The following RFC3 variants were observed in gnomAD, a reference collection of about 807,000 sequenced individuals.
RFC3 encodes replication factor C subunit 3.
RFC3 carries 41 observed loss-of-function variants against 45.1 expected under a neutral mutation model. The ratio of observed to expected loss-of-function variants is 0.91; its 90% CI spans 0.71 to 1.18. The LOEUF is 1.18. Ranked by LOEUF, RFC3 falls within the 50% of genes most tolerant of loss-of-function variation. The probability of loss-of-function intolerance (pLI) is 0.00; values close to 1 mark genes in which losing one functional copy is unlikely to be tolerated. For synonymous variants in RFC3, 149 were observed against 144.0 expected, an observed-to-expected ratio of 1.03 and a Z score of -0.25; for missense variants, 423 against 428.1, an observed-to-expected ratio of 0.99 and a Z score of 0.10.
chr13:33,936,457 T>C (rs1197062970), intron 8 of RFC3, among the ~76,000 whole-genome samples: 1 of 152,148 alleles, frequency 6.6e-6, no homozygotes, highest in East Asian at 1.9e-4. Flanking sequence ...TGTGACTTTA[T>C]CTGGAAATAA....
At chr13:33,903,635 A>G (rs966417408) in intron 8 of RFC3, among the ~76,000 whole-genome samples, 1 of 152,108 alleles carries the variant, frequency 6.6e-6, no homozygotes, top group Non-Finnish European at 1.5e-5. Flanking sequence ...ATATTTATGC[A>G]TAACCAAGAA....
chr13:33,880,995 G>C (rs1365536604), intron 8 of RFC3, among the ~76,000 whole-genome samples: 1 of 152,174 alleles, frequency 6.6e-6, no homozygotes, highest in Non-Finnish European at 1.5e-5. Flanking sequence ...GGCAGAGGTT[G>C]CAGTGAGCTG....
chr13:33,965,788 C>G (rs1327616483), intron 8 of RFC3, among the ~76,000 whole-genome samples: 3 of 152,098 alleles, frequency 2.0e-5, no homozygotes, highest in Admixed American at 1.3e-4. Context: ...TTTTGAAATA[C>G]CCTAGAGTCT....
At chr13:33,849,496 A>G (rs1478906620) in intron 8 of RFC3, 1 of 152,206 alleles carries the variant, frequency 6.6e-6, no homozygotes, top group African/African-American at 2.4e-5. Context: ...CTTGTGAGCT[A>G]GTATAACCCT....
intron 8 of RFC3, among the ~76,000 whole-genome samples, chr13:33,955,126 A>G (rs192491068): frequency 6.6e-6 from 1 of 152,312 alleles, no homozygotes; most frequent in East Asian, 1.9e-4. Context: ...GGTTTCAGAA[A>G]GAATGATGAC....
intron 8 of RFC3, among the ~76,000 whole-genome samples, chr13:33,950,126 T>C (rs1050475722): frequency 2.0e-5 from 3 of 151,988 alleles, no homozygotes; most frequent in Admixed American, 1.3e-4. Context: ...GTTTGGTTTC[T>C]CTGGAGAAAC....
chr13:33,819,111 C>T (rs1055550947), intron 1 of RFC3, among the ~76,000 whole-genome samples: 17 of 152,048 alleles, frequency 1.1e-4, no homozygotes, highest in Non-Finnish European at 2.2e-4. Flanking sequence ...AGGCTGGTCT[C>T]GAACTCCTGA....
At chr13:33,902,344 T>A (rs1474018880) in intron 8 of RFC3, among the ~76,000 whole-genome samples, 1 of 152,034 alleles carries the variant, frequency 6.6e-6, no homozygotes, top group Non-Finnish European at 1.5e-5. Flanking sequence ...TGGAGAAACA[T>A]GGGGCTGTCT....
intron 8 of RFC3, among the ~76,000 whole-genome samples, chr13:33,875,170 C>T (rs1240836226): frequency 6.6e-6 from 1 of 152,200 alleles, no homozygotes; most frequent in African/African-American, 2.4e-5. Flanking sequence ...ATGAATAAAA[C>T]AAACCTTGCT....
At chr13:33,888,233 A>G (rs2082539364) in intron 8 of RFC3, among the ~76,000 whole-genome samples, 3 of 152,174 alleles carry the variant, frequency 2.0e-5, no homozygotes, top group South Asian at 2.1e-4. Flanking sequence ...TTCCACTGGC[A>G]TGCAAGTTCA....
chr13:33,837,641 A>C (rs975976872), downstream of RFC3: 3 of 152,088 alleles, frequency 2.0e-5, no homozygotes, highest in African/African-American at 4.8e-5. Context: ...TTACACTTCT[A>C]CCAGCAATAT....
intron 8 of RFC3, among the ~76,000 whole-genome samples, chr13:33,844,349 T>A (rs2082222311): frequency 6.6e-6 from 1 of 152,232 alleles, no homozygotes; most frequent in Non-Finnish European, 1.5e-5. Flanking sequence ...ACTCTAGTGC[T>A]CTGCCCACCT....
chr13:33,886,118 G>T (rs117862941), intron 8 of RFC3, among the ~76,000 whole-genome samples: 1 of 152,032 alleles, frequency 6.6e-6, no homozygotes, highest in Non-Finnish European at 1.5e-5. Context: ...TTCAGAAATC[G>T]CCTTTTGACC....
chr13:33,845,344 T>A (rs1179767829), intron 8 of RFC3, among the ~76,000 whole-genome samples: 1 of 150,758 alleles, frequency 6.6e-6, no homozygotes, highest in Non-Finnish European at 1.5e-5. Context: ...TCTGTTACTA[T>A]CCATTTGAAT....
At position 33,962,225 on chromosome 13, in the gene RFC3, A is replaced by G. The variant is rs577907426; in HGVS notation, c.880-3862A>G. On this transcript the variant is annotated intron_variant, in intron 8 of 8. Coordinates refer to the RFC3 transcript ENST00000434425. The stretch of plus-strand genomic sequence containing the variant: ...CCTAATTTGAGAATTAGCCAGAGCT[A>G]TGAGGGGGGATATGTAAAGGAAGAT... Among the ~76,000 whole-genome samples the G allele has an allele frequency of 3.3e-5, 5 of 152,304 alleles. No individual in the cohort carries two copies. In the South Asian group the frequency reaches 8.3e-4, roughly 25 times the overall value.
At chr13:33,963,245 C>A (rs2083068412) in intron 8 of RFC3, among the ~76,000 whole-genome samples, 1 of 151,876 alleles carries the variant, frequency 6.6e-6, no homozygotes, top group African/African-American at 2.4e-5. Context: ...TTTTTATTTT[C>A]TTTTCTTGCT....
chr13:33,868,512 T>TG (rs1265393864), intron 8 of RFC3, among the ~76,000 whole-genome samples: 5 of 152,230 alleles, frequency 3.3e-5, no homozygotes, highest in African/African-American at 9.7e-5. Context: ...AGGCTGGTCA[T>TG]GGGGCAAGTC....
rs755589016 is a variant in RFC3 at position 33,829,867 on chromosome 13, C to G, written c.423C>G (p.Thr141=). The G allele has an allele frequency of 6.2e-7, 1 of 1,614,054 alleles. No homozygotes were observed. The highest frequency in any genetic ancestry group is 8.5e-7 in the Non-Finnish European group (1 of 1,179,942). Residue 141 remains threonine, a synonymous_variant, in exon 5 of 9, where the codon ACC becomes ACG. Transcript: ENST00000380071. ...VVLLTEVDKL[T]KDAQHALRRT... ...TATTGACAGAAGTTGACAAACTCACCAAAGATGCTCAGCATGCCTTGCGAA... is the reference window on the plus strand; with the variant it reads ...TATTGACAGAAGTTGACAAACTCACGAAAGATGCTCAGCATGCCTTGCGAA...
At chr13:33,834,984 T>A (rs931179279) in intron 7 of RFC3, among the ~76,000 whole-genome samples, 164 bp from the exon 8 acceptor site, 1 of 152,198 alleles carries the variant, frequency 6.6e-6, no homozygotes, top group Non-Finnish European at 1.5e-5. Flanking sequence ...GAAACAGTTA[T>A]TATTTCTTAC....
Sources: gnomAD v4.1 joint callset for allele counts (sites outside exome capture counted in the v4.1 genomes callset) on GRCh38, gnomAD v4.1.1 for gene constraint, MANE v1.5 for transcripts, NCBI Gene and HGNC (gene_info 2026-07-23, HGNC 2026-07-21) for gene names.